Variants in MFSD1 observed in about 807,000 individuals in gnomAD.
MFSD1 encodes the protein lysosomal dipeptide transporter MFSD1.
MFSD1 carries 59 observed loss-of-function variants against 67.1 expected under a neutral mutation model. The observed-to-expected ratio is 0.88, with a 90% confidence interval of 0.71 to 1.09. MFSD1 has a LOEUF of 1.09. MFSD1 is among the 50% of genes least tolerant of loss of function. The pLI is 0.00. For missense variants in MFSD1, 552 were observed against 566.1 expected (o/e 0.97, Z 0.25); for synonymous variants, 213 against 200.3 (o/e 1.06, Z -0.54).
At chr3:158,816,283 G>A (rs1489928763) in intron 7 of MFSD1, among the ~76,000 whole-genome samples, 1 of 152,166 alleles carries the variant, frequency 6.6e-6, no homozygotes, top group Non-Finnish European at 1.5e-5. Flanking sequence ...GTGTAAAAGT[G>A]TTCCTATTTC....
At chr3:158,804,108 C>T in intron 1 of MFSD1, 1 of 417,922 alleles carries the variant, frequency 2.4e-6, no homozygotes, top group South Asian at 5.9e-5. Context: ...AATTCAGGTT[C>T]CCAGTATTTG....
chr3:158,810,576 C>G (rs1054846862), intron 6 of MFSD1, among the ~76,000 whole-genome samples: 8 of 152,064 alleles, frequency 5.3e-5, no homozygotes, highest in African/African-American at 1.9e-4. Context: ...TATGAAAGTT[C>G]TGTGCATCTC....
At chr3:158,807,308 A>T in intron 4 of MFSD1, 88 bp from the exon 5 acceptor site, 1 of 1,077,172 alleles carries the variant, frequency 9.3e-7, no homozygotes, top group South Asian at 1.4e-5. Flanking sequence ...ACTATTGTAG[A>T]AGTTGAGATT....
chr3:158,809,153 G>GTTT (rs368154012), intron 5 of MFSD1, 26 bp from the exon 6 acceptor site: 439 of 1,204,208 alleles, frequency 3.6e-4, no homozygotes, highest in South Asian at 9.8e-4. Context: ...GTGACTTCTG[G>GTTT]TTTTTTTTTT....
intron 13 of MFSD1, chr3:158,825,060 T>A (rs754241738): frequency 3.3e-5 from 5 of 152,260 alleles, no homozygotes; most frequent in Non-Finnish European, 7.3e-5. Context: ...TTTTTGTTGT[T>A]GCAGCATGTG....
chr3:158,822,248 T>G (rs1730720495), intron 11 of MFSD1, 108 bp downstream of exon 11: 1 of 941,014 alleles, frequency 1.1e-6, no homozygotes, highest in Non-Finnish European at 1.5e-6. Flanking sequence ...CCTATGATAG[T>G]GGGGAGATGA....
intron 7 of MFSD1, among the ~76,000 whole-genome samples, 178 bp downstream of exon 7, chr3:158,814,245 A>T: frequency 6.6e-6 from 1 of 152,234 alleles, no homozygotes; most frequent in Non-Finnish European, 1.5e-5. Flanking sequence ...CTGTTTGTAT[A>T]TTAATTTCCA....
In MFSD1 at chr3:158,809,274, G is replaced by A. The variant is rs1401915728; in HGVS notation, c.536G>A (p.Ser179Asn). 2 of 1,604,546 alleles carry A rather than the reference G, an allele frequency of 1.2e-6. No homozygotes were observed. Among genetic ancestry groups the A allele is most frequent in the Non-Finnish European group, 1.7e-6 (2 of 1,175,924 alleles). Residue 179 changes from serine to asparagine, a missense_variant, in exon 6 of 16, where the codon AGC becomes AAC. Physicochemically the swap from Ser to Asn is conservative, Grantham distance 46. Transcript: ENST00000415822. ...ELNLVFGLQL[S>N]MARIGSTVNM... ...AACCTGGTGTTTGGACTTCAACTTA[G>A]CATGGCTAGAATTGTAAGTATAATG... is the stretch of plus-strand genomic sequence containing the variant.
chr3:158,817,553 A>T (rs1345240682), intron 7 of MFSD1, among the ~76,000 whole-genome samples: 1 of 152,156 alleles, frequency 6.6e-6, no homozygotes, highest in African/African-American at 2.4e-5. Flanking sequence ...GGATGTGAAG[A>T]ACCTCTTCAA....
At chr3:158,816,223 C>T (rs1386830794) in intron 7 of MFSD1, among the ~76,000 whole-genome samples, 2 of 151,772 alleles carry the variant, frequency 1.3e-5, no homozygotes, top group African/African-American at 4.8e-5. Flanking sequence ...CCTGAGGAAT[C>T]GCCACACCGA....
In MFSD1 at chr3:158,820,222, T is replaced by G. The variant is rs764885931; in HGVS notation, c.759T>G (p.Val253=). 6.3e-7 allele frequency: 1 copy of G among 1,581,922 alleles called. No homozygotes were observed. Among genetic ancestry groups the G allele is most frequent in the Non-Finnish European group, 8.7e-7 (1 of 1,151,352 alleles). ...TTCCCTTTCTTCTCTAAGGTGAAGT[T>G]ATTAAATTAACTGATGTAAAGGACT... ...LHKEQGKTGE[V]IKLTDVKDFS... The change falls in exon 9 of 16, where the codon GTT becomes GTG. Residue 253 remains valine (V), a synonymous_variant. Transcript: ENST00000415822.
intron 5 of MFSD1, 113 bp downstream of exon 5, chr3:158,807,576 C>T (rs1022532160): frequency 8.2e-6 from 7 of 853,364 alleles, no homozygotes; most frequent in African/African-American, 1.7e-5. Context: ...ATCTTTGAAA[C>T]CTAGCTTCAT....
rs1392315188 is a variant in MFSD1, at chr3:158,816,222, TCG to T, written c.652+2157_652+2158del. 1.5e-3 allele frequency among the ~76,000 whole-genome samples: 235 copies of T among 152,288 alleles called. 1 individual carries two copies. Among genetic ancestry groups the T allele is most frequent in the Middle Eastern group, 3.4e-3 (1 of 294 alleles). ...TTTCTAGTTCTAGATCCCTGAGGAA[TCG>T]CCACACCGACTTCCACGATGGTTGA... On this transcript the variant is annotated intron_variant, in intron 7 of 15. Transcript: ENST00000415822.
intron 1 of MFSD1, 61 bp downstream of exon 1, chr3:158,802,376 T>C (rs1729501139): frequency 1.1e-5 from 17 of 1,593,116 alleles, no homozygotes; most frequent in Non-Finnish European, 1.5e-5. Flanking sequence ...CTCTTCGAGG[T>C]AGATCGTCAT....
chr3:158,820,300 T>C lies in MFSD1; in HGVS notation c.837T>C (p.Ala279=). The C allele has an allele frequency of 6.2e-7, 1 of 1,610,978 alleles. No individual in the cohort carries two copies. The highest frequency in any genetic ancestry group is 1.1e-5 in the South Asian group (1 of 90,978). ...IFIICVCYYV[A]VFPFIGLGKV... is the part of the protein sequence containing the mutation. ...TCATCTGTGTCTGCTATTATGTTGC[T>C]GTGTTCCCTTTTATTGGACTTGGGA... Residue 279 remains alanine (A), a synonymous_variant, in exon 9 of 16, where the codon GCT becomes GCC. Transcript: ENST00000415822.
chr3:158,821,573 A>T lies in MFSD1; in HGVS notation c.864-24A>T, dbSNP rs778971864. 4 of 1,556,260 alleles carry T rather than the reference A, an allele frequency of 2.6e-6. No individual in the cohort carries two copies. The African/African-American group carries it at 5.5e-5, about 21-fold the overall frequency. On this transcript the variant is annotated intron_variant, in intron 9 of 15. Coordinates refer to ENST00000415822, the MANE Select transcript of MFSD1 (RefSeq NM_022736.4). ...CAGAGTAGTTCTCTCTAATGTGCTA[A>T]TTTCTCTGTCTTTTTAATTTTAGAG...
At chr3:158,822,286 A>C in intron 11 of MFSD1, 146 bp downstream of exon 11, 1 of 516,968 alleles carries the variant, frequency 1.9e-6, no homozygotes, top group East Asian at 3.0e-5. Flanking sequence ...CTACAAAATA[A>C]TTATTTTTTA....
At chr3:158,815,796 C>G (rs946874974) in intron 7 of MFSD1, among the ~76,000 whole-genome samples, 1 of 151,150 alleles carries the variant, frequency 6.6e-6, no homozygotes, top group Non-Finnish European at 1.5e-5. Context: ...AATGCTATCC[C>G]TCCCTCCTCC....
At chr3:158,807,884 G>A (rs1191506596) in intron 5 of MFSD1, among the ~76,000 whole-genome samples, 2 of 152,192 alleles carry the variant, frequency 1.3e-5, no homozygotes, top group Non-Finnish European at 2.9e-5. Context: ...AGCACAATAT[G>A]TGTAAGCTGA....
Sources: gnomAD v4.1 joint callset for allele counts (sites outside exome capture counted in the v4.1 genomes callset) on GRCh38, gnomAD v4.1.1 for gene constraint, MANE v1.5 for transcripts, NCBI Gene and HGNC (gene_info 2026-07-23, HGNC 2026-07-21) for gene names.